The following RYR3 variants were observed in gnomAD, a reference collection of about 807,000 sequenced individuals.
The protein encoded by RYR3 is ryanodine receptor 3.
In RYR3, 207 loss-of-function variants were observed where a neutral mutation model predicts 584.3. The observed-to-expected ratio is 0.35, with a 90% CI of 0.32 to 0.40. RYR3 has a LOEUF of 0.40. RYR3 is among the 10% of genes least tolerant of loss of function. The pLI is 1.00. For synonymous variants in RYR3, 2,416 were observed against 2,248.5 expected (o/e 1.07, Z -2.11); for missense variants, 5,616 against 6,089.2 (o/e 0.92, Z 2.59).
At chr15:33,705,714 C>CT (rs1278119139) in intron 42 of RYR3, among the ~76,000 whole-genome samples, 10 of 152,328 alleles carry the variant, frequency 6.6e-5, no homozygotes, top group African/African-American at 2.2e-4. Context: ...ATGGGGATCT[C>CT]TTTTTCTGGC....
chr15:33,862,305 C>G (rs1328692136), intron 102 of RYR3, among the ~76,000 whole-genome samples: 1 of 152,076 alleles, frequency 6.6e-6, no homozygotes, highest in Admixed American at 6.5e-5. Context: ...CTCCACCTCC[C>G]AGGCTCAAGA....
intron 38 of RYR3, among the ~76,000 whole-genome samples, chr15:33,680,582 C>G (rs1055520932): frequency 7.2e-5 from 11 of 152,198 alleles, no homozygotes; most frequent in African/African-American, 2.4e-4. Flanking sequence ...ATCCCGAGAT[C>G]ACTTTTGATT....
chr15:33,707,876 G>GCTTTT (rs557472337), intron 43 of RYR3, among the ~76,000 whole-genome samples: 107 of 152,184 alleles, frequency 7.0e-4, no homozygotes, highest in African/African-American at 2.4e-3. Flanking sequence ...ATTCCCGTGT[G>GCTTTT]CTTTTCTTGT....
intron 37 of RYR3, among the ~76,000 whole-genome samples, chr15:33,669,840 GT>G (rs1374241260): frequency 9.1e-4 from 19 of 20,822 alleles, no homozygotes; most frequent in African/African-American, 2.2e-3. Context: ...GGGTGTGTGT[GT>G]GTGGGGGGGG....
chr15:33,827,939 G>A (rs1012857927), intron 85 of RYR3, among the ~76,000 whole-genome samples: 4 of 152,240 alleles, frequency 2.6e-5, no homozygotes, highest in African/African-American at 9.6e-5. Flanking sequence ...TATTGCAGTT[G>A]GTATTATTGT....
intron 36 of RYR3, among the ~76,000 whole-genome samples, chr15:33,665,151 C>T (rs2063425580): frequency 6.6e-6 from 1 of 152,288 alleles, no homozygotes; most frequent in Admixed American, 6.5e-5. Flanking sequence ...TATTCTGGCT[C>T]TTTCATATGT....
At chr15:33,674,375 A>C (rs2064029548) in intron 38 of RYR3, among the ~76,000 whole-genome samples, 1 of 152,156 alleles carries the variant, frequency 6.6e-6, no homozygotes, top group African/African-American at 2.4e-5. Context: ...TCCTCTGTGA[A>C]GTCTTTCAAA....
chr15:33,444,932 C>T (rs1379568617), intron 1 of RYR3, among the ~76,000 whole-genome samples: 3 of 151,956 alleles, frequency 2.0e-5, no homozygotes, highest in Non-Finnish European at 4.4e-5. Flanking sequence ...GTGCGCGGCC[C>T]CTGTGCCCTG....
chr15:33,651,452 G>A (rs1037845999), intron 31 of RYR3, among the ~76,000 whole-genome samples: 2 of 152,248 alleles, frequency 1.3e-5, no homozygotes, highest in Admixed American at 1.3e-4. Context: ...TTCACAGGAA[G>A]CGAGCAGACC....
intron 1 of RYR3, among the ~76,000 whole-genome samples, chr15:33,324,165 G>T (rs1352367943): frequency 6.7e-6 from 1 of 149,460 alleles, no homozygotes; most frequent in Non-Finnish European, 1.5e-5. Context: ...ATTGTCTGGG[G>T]GTGGGAGGAG....
rs66478931 is a variant in RYR3 at position 33,766,288 on chromosome 15, GA to G, written c.8706-2357del. Among the ~76,000 whole-genome samples, 337 of 134,028 alleles carry G rather than the reference GA, an allele frequency of 2.5e-3. 1 individual carries two copies. Among genetic ancestry groups the G allele is most frequent in the Admixed American group, 4.1e-3 (53 of 12,932 alleles). The allele number at this position is 134,028 out of a possible 152,430, so 87.9% of individuals were successfully genotyped here. A position where few individuals can be genotyped will look rare whatever the true frequency, so the allele number is the denominator to read the frequency against. On this transcript the variant is annotated intron_variant, in intron 60 of 103. Transcript: ENST00000634891. ...AGACAGTGAGTCTCCACCTCAAAAAGAAAAAAAAAAAAAGAAAAAAAGAAAA... is the reference window on the plus strand; with the variant it reads ...AGACAGTGAGTCTCCACCTCAAAAAGAAAAAAAAAAAAGAAAAAAAGAAAA...
Position 33,477,877 on chromosome 15 carries a change from G to GAAA in RYR3, c.171+4366_171+4368dup, listed in dbSNP as rs58200056. On this transcript the variant is annotated intron_variant, in intron 2 of 103. Transcript: ENST00000634891. Reference sequence around the variant, plus strand: ...GCGACAGAGCGAGATTCTGTCTCAAGAAAAAAAAAAAAAAAAAAAAAAAAA... The same window carrying GAAA: ...GCGACAGAGCGAGATTCTGTCTCAAGAAAAAAAAAAAAAAAAAAAAAAAAAAAA... Among the ~76,000 whole-genome samples the GAAA allele has an allele frequency of 1.4e-4, 9 of 62,626 alleles. 1 individual carries two copies. Among genetic ancestry groups the GAAA allele is most frequent in the Admixed American group, 2.0e-4 (1 of 4,984 alleles). 41.1% of individuals were successfully genotyped at this position (62,626 alleles called of 152,430 possible).
rs1889311554 is a variant in RYR3 at position 33,863,582 on chromosome 15, A to C, written c.14466-556A>C. The stretch of plus-strand genomic sequence containing the variant: ...CCCCTGGGATACTTATGTGTCACAG[A>C]CAAACTCAAACCTAAGATATGGATC... On this transcript the variant is annotated intron_variant, in intron 102 of 103. Coordinates refer to ENST00000634891, the MANE Select transcript of RYR3 (RefSeq NM_001036.6). Among the ~76,000 whole-genome samples the C allele has an allele frequency of 1.3e-5, 2 of 152,198 alleles. 1 individual carries two copies. Among genetic ancestry groups the C allele is most frequent in the African/African-American group, 4.8e-5 (2 of 41,466 alleles).
In RYR3 at chr15:33,649,178, A is replaced by AT. The variant is rs1234597630; in HGVS notation, c.4086dup (p.Lys1363Ter). 6.2e-7 allele frequency: 1 copy of AT among 1,613,816 alleles called. No individual in the cohort carries two copies. The highest frequency in any genetic ancestry group is 1.1e-5 in the South Asian group (1 of 91,074). On this transcript the variant is annotated frameshift_variant, in exon 31 of 104. Coordinates refer to ENST00000634891, the MANE Select transcript of RYR3 (RefSeq NM_001036.6). LOFTEE classifies it high-confidence loss of function. ...TTGTACAGTGAAAAGTTTGACCTGA[A>AT]TAAAAACTGCACAGTGACTGTCACC... is the stretch of plus-strand genomic sequence containing the variant.
chr15:33,446,365 A>C (rs1457192216), intron 1 of RYR3, among the ~76,000 whole-genome samples: 2 of 152,224 alleles, frequency 1.3e-5, no homozygotes, highest in African/African-American at 4.8e-5. Context: ...AATAAGCTTA[A>C]TGTGTTTGTA....
chr15:33,680,907 C>T (rs1596125634), intron 38 of RYR3, among the ~76,000 whole-genome samples: 1 of 152,150 alleles, frequency 6.6e-6, no homozygotes, highest in South Asian at 2.1e-4. Flanking sequence ...TCGTGATTTT[C>T]AGAGGGAGAA....
intron 30 of RYR3, among the ~76,000 whole-genome samples, chr15:33,648,206 TAATATTATGCAC>T (rs1025702333): frequency 2.0e-5 from 3 of 152,194 alleles, no homozygotes; most frequent in Admixed American, 6.5e-5. Flanking sequence ...CTGAAATGGA[TAATATTATGCAC>T]AATATTATGC....
At chr15:33,802,303 T>C (rs906368549) in intron 69 of RYR3, among the ~76,000 whole-genome samples, 7 of 152,238 alleles carry the variant, frequency 4.6e-5, no homozygotes, top group Non-Finnish European at 1.0e-4. Context: ...TACACATGCC[T>C]AGAACCACCT....
rs140120972 is a variant in RYR3 at position 33,703,211 on chromosome 15, A to C, written c.6483+2131A>C. 1.4e-4 allele frequency among the ~76,000 whole-genome samples: 22 copies of C among 152,350 alleles called. No homozygotes were observed. The East Asian group carries it at 4.0e-3, about 28-fold the overall frequency. ...TTTCAAATGCATTCAACTGATAATT[A>C]CTGAGGGCCTATCATGAACCAGACA... On this transcript the variant is annotated intron_variant, in intron 42 of 103. Coordinates refer to ENST00000634891, the MANE Select transcript of RYR3 (RefSeq NM_001036.6).
Sources: allele counts gnomAD v4.1 joint callset (sites outside exome capture counted in the v4.1 genomes callset), GRCh38; gene constraint gnomAD v4.1.1; transcripts MANE v1.5; gene names NCBI Gene and HGNC (gene_info 2026-07-23, HGNC 2026-07-21).